IKBKE: variants seen among roughly 807,000 people sequenced by gnomAD.
IKBKE encodes inhibitor of nuclear factor kappa-B kinase subunit epsilon.
Under a neutral mutation model 92.1 loss-of-function variants are expected in IKBKE, and 45 were observed. The ratio of observed to expected loss-of-function variants is 0.49; its 90% CI spans 0.38 to 0.63. The LOEUF (loss-of-function observed/expected upper bound fraction) is 0.63. Among genes scored for constraint, IKBKE ranks in the 20% least tolerant of loss-of-function variants. The pLI is 0.00. For missense variants in IKBKE, 700 were observed against 932.8 expected, an observed-to-expected ratio of 0.75 and a Z score of 3.25; for synonymous variants, 374 against 380.3, an observed-to-expected ratio of 0.98 and a Z score of 0.19.
At chr1:206,480,799 A>T (rs530475221) in intron 13 of IKBKE, among the ~76,000 whole-genome samples, 173 of 152,234 alleles carry the variant, frequency 1.1e-3, no homozygotes, top group Non-Finnish European at 2.0e-3. Context: ...TGGCCTCCCT[A>T]TCCCAAGAAG....
intron 18 of IKBKE, 150 bp from the exon 19 acceptor site, chr1:206,492,873 G>A (rs1553390927): frequency 1.4e-6 from 1 of 734,724 alleles, no homozygotes; most frequent in South Asian, 1.5e-5. Flanking sequence ...GGGCAAGCGT[G>A]GAGGGCACAG....
intron 21 of IKBKE, 27 bp from the exon 22 acceptor site, chr1:206,496,085 A>G: frequency 1.2e-6 from 2 of 1,606,034 alleles, no homozygotes; most frequent in Non-Finnish European, 1.7e-6. Flanking sequence ...ACAGGTGGGC[A>G]CTGCTAGCCT....
In IKBKE at chr1:206,471,161, C is replaced by T. The variant is rs1572230279; in HGVS notation, c.-117C>T. On this transcript the variant is annotated 5_prime_UTR_variant, in exon 2 of 22. Transcript: ENST00000581977. ...CCCTCCTCTTTCCGGTGTAGCTCAGCTCCTGGACGTGCCACAGACAGAAAG... is the reference window on the plus strand; with the variant it reads ...CCCTCCTCTTTCCGGTGTAGCTCAGTTCCTGGACGTGCCACAGACAGAAAG... 2.0e-5 allele frequency: 3 copies of T among 152,362 alleles called. No individual in the cohort carries two copies. The highest frequency in any genetic ancestry group is 2.0e-4 in the Admixed American group (3 of 15,278). 9.4% of individuals were successfully genotyped at this position (152,362 alleles called of 1,614,324 possible).
chr1:206,492,977 G>A (rs371820686), intron 18 of IKBKE, 46 bp from the exon 19 acceptor site: 30 of 1,513,698 alleles, frequency 2.0e-5, no homozygotes, highest in African/African-American at 5.5e-5. Context: ...CCTGGGGAAT[G>A]GGCTGAGTCC....
chr1:206,479,080 G>A lies in IKBKE; in HGVS notation c.1130G>A (p.Ser377Asn), dbSNP rs140533827. ...AQHIAHTTAS[S>N]PLTLFSTAIP... ...CACATCGCCCACACGACGGCAAGCA[G>A]CCCCCTGACCCTCTTCAGCACAGCC... is the stretch of plus-strand genomic sequence containing the variant. The change falls in exon 10 of 22, where the codon AGC becomes AAC. Residue 377 changes from serine to asparagine, a missense_variant. Physicochemically the swap from Ser to Asn is conservative, Grantham distance 46. Coordinates refer to ENST00000581977, the MANE Select transcript of IKBKE (RefSeq NM_014002.4). 1.8e-4 allele frequency: 292 copies of A among 1,613,532 alleles called. No homozygotes were observed. Among genetic ancestry groups the A allele is most frequent in the Non-Finnish European group, 2.3e-4 (271 of 1,179,930 alleles).
rs1257665845 is a variant in IKBKE, at chr1:206,478,829, G to A, written c.993-114G>A. ...GAAAACCACCCCCGTCCCTCCCTCT[G>A]CAAAACAGAGCCCTGTCTATGGGCA... is the stretch of plus-strand genomic sequence containing the variant. On this transcript the variant is annotated intron_variant, in intron 9 of 21. Coordinates refer to ENST00000581977, the MANE Select transcript of IKBKE (RefSeq NM_014002.4). The surrounding 1 kb of genome is among the most constrained non-coding windows in gnomAD (Gnocchi z 4.8). The A allele has an allele frequency of 3.6e-6, 3 of 832,514 alleles. No individual in the cohort carries two copies. The East Asian group carries it at 7.3e-5, about 20-fold the overall frequency. The allele number at this position is 832,514 out of a possible 1,614,324, so 51.6% of individuals were successfully genotyped here. A position where few individuals can be genotyped will look rare whatever the true frequency, so the allele number is the denominator to read the frequency against.
Position 206,490,716 on chromosome 1 carries a change from C to G in IKBKE, c.1694-103C>G. 1 of 1,205,816 alleles carries G rather than the reference C, an allele frequency of 8.3e-7. No homozygotes were observed. The highest frequency in any genetic ancestry group is 1.2e-6 in the Non-Finnish European group (1 of 813,788). The allele number at this position is 1,205,816 out of a possible 1,614,324, so 74.7% of individuals were successfully genotyped here. On this transcript the variant is annotated intron_variant, in intron 16 of 21. Coordinates refer to ENST00000581977, the MANE Select transcript of IKBKE (RefSeq NM_014002.4). The surrounding 1 kb of genome is among the most constrained non-coding windows in gnomAD (Gnocchi z 5.2). ...GGCGGTGAGTTCCCGTGAAGCAGCA[C>G]AGGCTGGGCCGTCTTCATCTTTTAA...
At chr1:206,477,183 C>T (rs1553385617) in intron 7 of IKBKE, among the ~76,000 whole-genome samples, 6 of 152,102 alleles carry the variant, frequency 3.9e-5, no homozygotes, top group Non-Finnish European at 8.8e-5. Context: ...TTCCTGTTCC[C>T]AGGTCCAAGG....
intron 2 of IKBKE, among the ~76,000 whole-genome samples, chr1:206,472,587 T>TCACACA (rs57402838): frequency 2.0e-5 from 3 of 149,982 alleles, no homozygotes; most frequent in African/African-American, 7.4e-5. Flanking sequence ...ACACACACTC[T>TCACACA]CACACACACA....
At position 206,476,104 on chromosome 1, in the gene IKBKE, C is replaced by T. The variant is rs1665047152; in HGVS notation, c.359-77C>T. On this transcript the variant is annotated intron_variant, in intron 5 of 21. Transcript: ENST00000581977. The surrounding 1 kb of genome is among the most constrained non-coding windows in gnomAD (Gnocchi z 5.1). Reference sequence around the variant, plus strand: ...CTGTCTCTCTGGATGCAAGGACAGCCTTCCCACCAAGATGAGCCTCAGACA... The same window carrying T: ...CTGTCTCTCTGGATGCAAGGACAGCTTTCCCACCAAGATGAGCCTCAGACA... The T allele has an allele frequency of 7.0e-7, 1 of 1,422,470 alleles. No homozygotes were observed. The highest frequency in any genetic ancestry group is 1.8e-5 in the Admixed American group (1 of 54,724). 88.1% of individuals were successfully genotyped at this position (1,422,470 alleles called of 1,614,324 possible). A position where few individuals can be genotyped will look rare whatever the true frequency, so the allele number is the denominator to read the frequency against.
intron 2 of IKBKE, among the ~76,000 whole-genome samples, chr1:206,471,999 A>C (rs1553383937): frequency 6.6e-6 from 1 of 152,208 alleles, no homozygotes; most frequent in Non-Finnish European, 1.5e-5. Context: ...TAATCCCAGC[A>C]ATTTTTTGGG....
Position 206,493,377 on chromosome 1 carries a change from C to T in IKBKE, c.2044C>T (p.His682Tyr). The T allele has an allele frequency of 6.2e-7, 1 of 1,608,234 alleles. No individual in the cohort carries two copies. Among genetic ancestry groups the T allele is most frequent in the Non-Finnish European group, 8.5e-7 (1 of 1,174,738 alleles). Residue 682 changes from histidine to tyrosine, a missense_variant and splice_region_variant, in exon 20 of 22, where the codon CAC becomes TAC. Transcript: ENST00000581977. ...CCCTACACGAAAGGACCTGCTTCTC[C>T]AGTAAGTGCTGGGGAGAAAGCGGTT... ...PSPTRKDLLL[H>Y]MQELCEGMKL...
Position 206,478,435 on chromosome 1 carries a change from G to A in IKBKE, c.992+96G>A. ...CATCTCCCACAGTACGTTCTGAGGA[G>A]TGTGTACATAGGAACGCTTCCAGGT... On this transcript the variant is annotated intron_variant, in intron 9 of 21. Coordinates refer to ENST00000581977, the MANE Select transcript of IKBKE (RefSeq NM_014002.4). This position sits in a 1 kb window ranked among gnomAD's most constrained non-coding sequence, Gnocchi z 4.8. 7.9e-7 allele frequency: 1 copy of A among 1,262,352 alleles called. No individual in the cohort carries two copies. Among genetic ancestry groups the A allele is most frequent in the Non-Finnish European group, 1.1e-6 (1 of 884,542 alleles). The allele number at this position is 1,262,352 out of a possible 1,614,324, so 78.2% of individuals were successfully genotyped here. A position where few individuals can be genotyped will look rare whatever the true frequency, so the allele number is the denominator to read the frequency against.
chr1:206,489,367 GTGTATATATATATATATATATATA>G (rs1253997307), intron 16 of IKBKE, among the ~76,000 whole-genome samples: 24 of 51,398 alleles, frequency 4.7e-4, no homozygotes, highest in Non-Finnish European at 9.5e-4. Context: ...GTGTGTGTGT[GTGTATATATATATATATATATATA>G]TATATATATA....
At chr1:206,474,032 C>A (rs1664921997) in intron 3 of IKBKE, among the ~76,000 whole-genome samples, 1 of 151,374 alleles carries the variant, frequency 6.6e-6, no homozygotes, top group African/African-American at 2.4e-5. Flanking sequence ...CTGCTGCTAA[C>A]CCCAGGGAGT....
intron 13 of IKBKE, among the ~76,000 whole-genome samples, chr1:206,483,202 C>T (rs1281263655): frequency 6.6e-6 from 1 of 152,196 alleles, no homozygotes; most frequent in Non-Finnish European, 1.5e-5. Flanking sequence ...CTTATTGTGT[C>T]GCAGGAAGGA....
rs1665746752 is a variant in IKBKE, at chr1:206,487,859, T to C, written c.1617-55T>C. On this transcript the variant is annotated intron_variant, in intron 15 of 21. Coordinates refer to ENST00000581977, the MANE Select transcript of IKBKE (RefSeq NM_014002.4). This position sits in a 1 kb window ranked among gnomAD's most constrained non-coding sequence, Gnocchi z 5.3. ...CTGCCACCCTTCCCCTCCCTCCCTC[T>C]TTCCTCTGTGCTATTAGATTCTTCC... 1.4e-6 allele frequency: 2 copies of C among 1,431,316 alleles called. No individual in the cohort carries two copies. Among genetic ancestry groups the C allele is most frequent in the East Asian group, 2.3e-5 (1 of 43,496 alleles). The allele number at this position is 1,431,316 out of a possible 1,614,324, so 88.7% of individuals were successfully genotyped here.
intron 15 of IKBKE, among the ~76,000 whole-genome samples, chr1:206,486,908 C>A (rs1553388929): frequency 2.0e-5 from 3 of 151,550 alleles, no homozygotes; most frequent in Non-Finnish European, 2.9e-5. Flanking sequence ...AGGCCCTGTC[C>A]TTTTGGATGA....
At position 206,494,592 on chromosome 1, in the gene IKBKE, C is replaced by CTT. The variant is rs58971788; in HGVS notation, c.2117+629_2117+630dup. 5.0e-3 allele frequency among the ~76,000 whole-genome samples: 321 copies of CTT among 63,914 alleles called. 32 individuals carry two copies. Among genetic ancestry groups the CTT allele is most frequent in the South Asian group, 6.9e-3 (11 of 1,602 alleles). The allele number at this position is 63,914 out of a possible 152,430, so 41.9% of individuals were successfully genotyped here. ...TTTTGCATACCAGTAAAAGTTCTTT[C>CTT]TTTTTTTTTTTTTTTTTTTTTTTTT... On this transcript the variant is annotated intron_variant, in intron 21 of 21. Coordinates refer to ENST00000581977, the MANE Select transcript of IKBKE (RefSeq NM_014002.4).
Sources: gnomAD v4.1 joint callset for allele counts (sites outside exome capture counted in the v4.1 genomes callset) on GRCh38, gnomAD v4.1.1 for gene constraint, Gnocchi (gnomAD v3.1) non-coding constraint, MANE v1.5 for transcripts, NCBI Gene and HGNC (gene_info 2026-07-23, HGNC 2026-07-21) for gene names.